The following MORC1 variants were observed in gnomAD, a reference collection of about 807,000 sequenced individuals.
The protein encoded by MORC1 is MORC family CW-type zinc finger protein 1.
A neutral mutation model predicts 134.9 loss-of-function variants in MORC1; 59 were observed. The ratio of observed to expected loss-of-function variants is 0.44; its 90% confidence interval spans 0.35 to 0.54. The LOEUF (loss-of-function observed/expected upper bound fraction) is 0.54. Ranked by LOEUF, MORC1 falls within the 20% of genes least tolerant of loss-of-function variation. The pLI is 0.00. For missense variants in MORC1, 947 were observed against 1,134.5 expected, an observed-to-expected ratio of 0.83 and a Z score of 2.37; for synonymous variants, 395 against 391.7, an observed-to-expected ratio of 1.01 and a Z score of -0.10.
chr3:109,062,155 G>A, intron 10 of MORC1, 97 bp from the exon 11 acceptor site: 1 of 1,039,322 alleles, frequency 9.6e-7, no homozygotes, highest in Non-Finnish European at 1.5e-6. Context: ...AGTGAAAAAG[G>A]CATACAGACC....
intron 17 of MORC1, among the ~76,000 whole-genome samples, chr3:109,014,972 G>A (rs956135459): frequency 6.6e-6 from 1 of 152,060 alleles, no homozygotes; most frequent in Admixed American, 6.5e-5. Flanking sequence ...TGCAACCTCT[G>A]CCTCCTGGGT....
chr3:109,052,599 G>A (rs549915595), intron 14 of MORC1, among the ~76,000 whole-genome samples: 1 of 152,136 alleles, frequency 6.6e-6, no homozygotes, highest in African/African-American at 2.4e-5. Flanking sequence ...ACGCTTTTCC[G>A]TTTTGCTGGT....
intron 6 of MORC1, among the ~76,000 whole-genome samples, chr3:109,096,271 A>G (rs894814575): frequency 3.3e-5 from 5 of 152,150 alleles, no homozygotes; most frequent in African/African-American, 9.7e-5. Flanking sequence ...GCTGGGTCAA[A>G]TAAGGCTGAG....
chr3:109,078,624 C>T (rs963770628), intron 8 of MORC1, among the ~76,000 whole-genome samples: 2 of 151,398 alleles, frequency 1.3e-5, no homozygotes, highest in African/African-American at 4.8e-5. Flanking sequence ...AAAACACATA[C>T]CTCAAGGAAG....
chr3:109,011,598 C>T (rs745856372), intron 17 of MORC1, among the ~76,000 whole-genome samples: 5 of 151,620 alleles, frequency 3.3e-5, no homozygotes, highest in Non-Finnish European at 5.9e-5. Flanking sequence ...CTGAGCTCAC[C>T]GCAACCTCCG....
At chr3:109,050,535 AC>A (rs778593397) in intron 14 of MORC1, among the ~76,000 whole-genome samples, 101 of 152,132 alleles carry the variant, frequency 6.6e-4, no homozygotes, top group Non-Finnish European at 1.1e-3. Flanking sequence ...AGTTGCTAAT[AC>A]CATCATCCTG....
At chr3:109,039,652 C>T (rs1216098190) in intron 14 of MORC1, among the ~76,000 whole-genome samples, 1 of 152,190 alleles carries the variant, frequency 6.6e-6, no homozygotes, top group Non-Finnish European at 1.5e-5. Context: ...ACCCATCCTA[C>T]ACTCCATGTT....
intron 27 of MORC1, 44 bp from the exon 28 acceptor site, chr3:108,959,164 G>A: frequency 1.3e-6 from 2 of 1,509,036 alleles, no homozygotes; most frequent in Non-Finnish European, 1.8e-6. Context: ...AGAAGCTGCA[G>A]AGCTTATTCC....
intron 1 of MORC1, 145 bp downstream of exon 1, chr3:109,117,850 T>G: frequency 1.4e-6 from 1 of 722,082 alleles, no homozygotes; most frequent in East Asian, 2.7e-5. Context: ...TTTCATCGTT[T>G]TAAAAAAAGC....
At chr3:109,115,423 G>A (rs972583507) in intron 1 of MORC1, among the ~76,000 whole-genome samples, 8 of 148,908 alleles carry the variant, frequency 5.4e-5, no homozygotes, top group Admixed American at 4.8e-4. Flanking sequence ...AAAGTCTCAT[G>A]AGTCAAGTAA....
chr3:109,109,611 T>C (rs1951117624), intron 3 of MORC1, among the ~76,000 whole-genome samples: 1 of 152,168 alleles, frequency 6.6e-6, no homozygotes, highest in African/African-American at 2.4e-5. Context: ...CTCTATTGGA[T>C]ATGGAAGGGA....
In MORC1 at chr3:109,004,448, G is replaced by A. The variant is rs889056989; in HGVS notation, c.2085+369C>T. Among the ~76,000 whole-genome samples the A allele has an allele frequency of 2.0e-5, 3 of 152,126 alleles. No homozygotes were observed. In the South Asian group the frequency reaches 6.2e-4, roughly 32 times the overall value. On this transcript the variant is annotated intron_variant, in intron 20 of 27. Coordinates refer to ENST00000232603, the MANE Select transcript of MORC1 (RefSeq NM_014429.4). ...CATTCAGCACTGCACCTAGCACAGG[G>A]TAAATGCCCATTCAATTGTAGGCAT...
At chr3:108,977,576 C>T (rs2715737) in intron 24 of MORC1, among the ~76,000 whole-genome samples, 61,585 of 151,888 alleles carry the variant, frequency 0.41, 13,025 homozygotes, top group Middle Eastern at 0.56. Context: ...AATAATTGAA[C>T]ATGTGGTCAT....
intron 26 of MORC1, 150 bp from the exon 27 acceptor site, chr3:108,963,758 A>G (rs1250543419): frequency 5.3e-6 from 3 of 568,220 alleles, no homozygotes; most frequent in Non-Finnish European, 9.1e-6. Context: ...TGATACCCTT[A>G]AGGAACTTAC....
At chr3:109,083,865 T>C (rs1214204545) in intron 8 of MORC1, among the ~76,000 whole-genome samples, 1 of 152,010 alleles carries the variant, frequency 6.6e-6, no homozygotes, top group African/African-American at 2.4e-5. Context: ...CATATGCAAA[T>C]AAATAAACGT....
At chr3:109,017,698 C>G (rs1948848843) in intron 17 of MORC1, among the ~76,000 whole-genome samples, 4 of 152,120 alleles carry the variant, frequency 2.6e-5, no homozygotes, top group Non-Finnish European at 5.9e-5. Context: ...ACACAGTTAA[C>G]CTACTTCAAA....
At chr3:109,070,162 C>T (rs1224963479) in intron 8 of MORC1, among the ~76,000 whole-genome samples, 1 of 152,140 alleles carries the variant, frequency 6.6e-6, no homozygotes, top group Non-Finnish European at 1.5e-5. Flanking sequence ...AAAGCATTCC[C>T]ATTAAGTCCT....
At chr3:109,001,793 C>T (rs1440710686) in intron 20 of MORC1, among the ~76,000 whole-genome samples, 2 of 152,154 alleles carry the variant, frequency 1.3e-5, no homozygotes, top group Non-Finnish European at 2.9e-5. Context: ...AGACTGTCTC[C>T]TATTTAAACC....
chr3:109,056,507 G>A lies in MORC1; in HGVS notation c.1175+836C>T, dbSNP rs139192393. ...CTCCCAAAGCGCTGGGATTACAGGC[G>A]TGAGCCACTGAGCCCAGCCATAATC... On this transcript the variant is annotated intron_variant, in intron 13 of 27. Coordinates refer to ENST00000232603, the MANE Select transcript of MORC1 (RefSeq NM_014429.4). Among the ~76,000 whole-genome samples the A allele has an allele frequency of 5.2e-3, 786 of 152,260 alleles. 18 individuals carry two copies. The highest frequency in any genetic ancestry group is 0.018 in the African/African-American group (754 of 41,552).
Sources: allele counts gnomAD v4.1 joint callset (sites outside exome capture counted in the v4.1 genomes callset), GRCh38; gene constraint gnomAD v4.1.1; transcripts MANE v1.5; gene names NCBI Gene and HGNC (gene_info 2026-07-23, HGNC 2026-07-21).